The following DNAAF3 variants were observed in gnomAD, a reference collection of about 807,000 sequenced individuals.
DNAAF3 encodes the protein dynein axonemal assembly factor 3.
A neutral mutation model predicts 50.9 loss-of-function variants in DNAAF3; 40 were observed. That is an observed-to-expected ratio of 0.79 (90% CI 0.61 to 1.02). DNAAF3 has a LOEUF of 1.02. Ranked by LOEUF, DNAAF3 falls within the 50% of genes least tolerant of loss-of-function variation. The probability of loss-of-function intolerance (pLI) is 0.00; values close to 1 mark genes in which losing one functional copy is unlikely to be tolerated. For synonymous variants in DNAAF3, 327 were observed against 322.8 expected (o/e 1.01, Z -0.14); for missense variants, 763 against 744.7 (o/e 1.02, Z -0.29).
rs750912221 is a variant in DNAAF3, at chr19:55,160,737, C to G, written c.951G>C (p.Leu317=). The stretch of plus-strand genomic sequence containing the variant: ...GCCCCCAGGCGGCCACGTCGCGGAG[C>G]AGCTCCGTCACGTTGTGTTGAGTGA... ...GEITQHNVTE[L]LRDVAAWGRA... The change falls in exon 9 of 12, where the codon CTG becomes CTC. Residue 317 remains leucine (L), a synonymous_variant. Transcript: ENST00000524407. This position sits in a 1 kb window ranked among gnomAD's most constrained non-coding sequence, Gnocchi z 4.7. The G allele has an allele frequency of 1.9e-6, 3 of 1,612,572 alleles. No homozygotes were observed. The highest frequency in any genetic ancestry group is 2.5e-6 in the Non-Finnish European group (3 of 1,179,840).
chr19:55,166,292 G>A lies in DNAAF3; in HGVS notation c.85+37C>T. On this transcript the variant is annotated intron_variant, in intron 2 of 11. Coordinates refer to ENST00000524407, the MANE Select transcript of DNAAF3 (RefSeq NM_001256715.2). This position sits in a 1 kb window ranked among gnomAD's most constrained non-coding sequence, Gnocchi z 4.0. ...AAGGCCGTCTGCTCAGGCTGGGAAGGCAGACGGTGTATCAGACCTTGCGTG... is the reference window on the plus strand; with the variant it reads ...AAGGCCGTCTGCTCAGGCTGGGAAGACAGACGGTGTATCAGACCTTGCGTG... The A allele has an allele frequency of 6.2e-7, 1 of 1,606,276 alleles. No individual in the cohort carries two copies. Among genetic ancestry groups the A allele is most frequent in the Non-Finnish European group, 8.5e-7 (1 of 1,175,568 alleles).
At chr19:55,163,722 C>T (rs1599926848) in intron 4 of DNAAF3, among the ~76,000 whole-genome samples, 1 of 152,280 alleles carries the variant, frequency 6.6e-6, no homozygotes, top group Middle Eastern at 3.4e-3. Flanking sequence ...TACACATAGA[C>T]ATACAAATAG....
chr19:55,165,858 G>C lies in DNAAF3; in HGVS notation c.228C>G (p.Asn76Lys). 6.2e-7 allele frequency: 1 copy of C among 1,613,844 alleles called. No homozygotes were observed. The highest frequency in any genetic ancestry group is 8.5e-7 in the Non-Finnish European group (1 of 1,179,938). The part of the protein sequence containing the change: ...RAKFWPRRRF[N>K]FFVLENNLEA... ...GGCTCTCATCTTCATCCCAGCTCAC[G>C]TTGAACCTCCTGCGAGGCCAGAACT... Residue 76 changes from asparagine to lysine, a missense_variant and splice_region_variant, in exon 3 of 12, where the codon AAC becomes AAG. By Grantham distance (94) the Asn-to-Lys change is moderately conservative (BLOSUM62 0). Coordinates refer to ENST00000524407, the MANE Select transcript of DNAAF3 (RefSeq NM_001256715.2).
At chr19:55,159,637 T>A (rs370632397) in intron 10 of DNAAF3, 30 bp from the exon 11 acceptor site, 69 of 1,612,088 alleles carry the variant, frequency 4.3e-5, no homozygotes, top group Non-Finnish European at 5.5e-5. Flanking sequence ...CAGGCTGAGA[T>A]TCAGCTCCAA....
At chr19:55,159,855 G>T in intron 10 of DNAAF3, 44 bp downstream of exon 10, 3 of 1,599,478 alleles carry the variant, frequency 1.9e-6, no homozygotes, top group Non-Finnish European at 2.6e-6. Flanking sequence ...GGGGCTGGGG[G>T]CCTGATCCTG....
In DNAAF3 at chr19:55,161,716, T is replaced by TA. The variant is rs1568865114; in HGVS notation, c.589dup (p.Tyr197LeufsTer23). Reference sequence around the variant, plus strand: ...CCGGGCGTCGTAGCGGGAGCCCAGGTAGTGGCGCAGGCGCGAGTCCCAGAG... The same window carrying TA: ...CCGGGCGTCGTAGCGGGAGCCCAGGTAAGTGGCGCAGGCGCGAGTCCCAGAG... On this transcript the variant is annotated frameshift_variant, in exon 6 of 12. Coordinates refer to ENST00000524407, the MANE Select transcript of DNAAF3 (RefSeq NM_001256715.2). LOFTEE classifies it high-confidence loss of function. This position sits in a 1 kb window ranked among gnomAD's most constrained non-coding sequence, Gnocchi z 6.4. The TA allele has an allele frequency of 6.5e-7, 1 of 1,541,150 alleles. No homozygotes were observed. Among genetic ancestry groups the TA allele is most frequent in the Non-Finnish European group, 8.7e-7 (1 of 1,146,390 alleles).
chr19:55,161,910 C>A lies in DNAAF3; in HGVS notation c.481-85G>T, dbSNP rs2085843672. 2.2e-6 allele frequency: 3 copies of A among 1,341,524 alleles called. No individual in the cohort carries two copies. The highest frequency in any genetic ancestry group is 1.9e-6 in the Non-Finnish European group (2 of 1,046,826). 83.1% of individuals were successfully genotyped at this position (1,341,524 alleles called of 1,614,324 possible). A position where few individuals can be genotyped will look rare whatever the true frequency, so the allele number is the denominator to read the frequency against. ...ATTCTAATTGACCCTCTCTTCCATCCCAGAACAGGGGAACGATTCCCCCGT... is the reference window on the plus strand; with the variant it reads ...ATTCTAATTGACCCTCTCTTCCATCACAGAACAGGGGAACGATTCCCCCGT... On this transcript the variant is annotated intron_variant, in intron 5 of 11. Transcript: ENST00000524407. This position sits in a 1 kb window ranked among gnomAD's most constrained non-coding sequence, Gnocchi z 6.4.
At chr19:55,166,703 T>C, upstream of DNAAF3, 4 of 1,567,274 alleles carry the variant, frequency 2.6e-6, no homozygotes, top group South Asian at 3.4e-5. This position sits in a 1 kb window ranked among gnomAD's most constrained non-coding sequence, Gnocchi z 4.0. Context: ...AGGCCCGCCC[T>C]CTACAAACTT....
intron 5 of DNAAF3, 58 bp downstream of exon 5, chr19:55,162,075 G>A (rs1004727762): frequency 2.7e-5 from 34 of 1,244,846 alleles, no homozygotes; most frequent in Non-Finnish European, 2.4e-5. Context: ...CCTTTGGACT[G>A]TGCGCTTCCA....
chr19:55,165,991 A>C lies in DNAAF3; in HGVS notation c.95T>G (p.Val32Gly). The C allele has an allele frequency of 6.2e-7, 1 of 1,614,228 alleles. No homozygotes were observed. The highest frequency in any genetic ancestry group is 8.5e-7 in the Non-Finnish European group (1 of 1,180,046). ...ALDLQAESPPVDPDSQADTVH... is the reference protein window; with the variant it reads ...ALDLQAESPPGDPDSQADTVH... Reference sequence around the variant, plus strand: ...TGTATCGGCCTGGGAGTCTGGGTCCACAGGAGGACCTGGCAAGATGACAGC... The same window carrying C: ...TGTATCGGCCTGGGAGTCTGGGTCCCCAGGAGGACCTGGCAAGATGACAGC... Residue 32 changes from valine (V) to glycine (G), a missense_variant, in exon 3 of 12, where the codon GTG becomes GGG. Transcript: ENST00000524407.
chr19:55,159,018 A>C lies in DNAAF3; in HGVS notation c.*44T>G, dbSNP rs1220214967. 1.3e-6 allele frequency: 2 copies of C among 1,529,368 alleles called. No individual in the cohort carries two copies. Among genetic ancestry groups the C allele is most frequent in the South Asian group, 2.6e-5 (2 of 77,334 alleles). 94.7% of individuals were successfully genotyped at this position (1,529,368 alleles called of 1,614,324 possible). ...GGTATCAGCGGGTTCTCATCCTACA[A>C]CCTGACTTTGGAAGTTGGAGATAAG... On this transcript the variant is annotated 3_prime_UTR_variant, in exon 12 of 12. Transcript: ENST00000524407.
rs2085814237 is a variant in DNAAF3, at chr19:55,160,892, G to C, written c.913-117C>G. ...CCCGCAGCTGCTTGGAGGATGTGAA[G>C]TGGGGCGGGACCTATCCCGCGGGGA... is the stretch of plus-strand genomic sequence containing the variant. On this transcript the variant is annotated intron_variant, in intron 8 of 11. Transcript: ENST00000524407. This position sits in a 1 kb window ranked among gnomAD's most constrained non-coding sequence, Gnocchi z 4.7. The C allele has an allele frequency of 1.2e-5, 17 of 1,472,118 alleles. No individual in the cohort carries two copies. The highest frequency in any genetic ancestry group is 1.4e-5 in the Non-Finnish European group (16 of 1,115,584). 91.2% of individuals were successfully genotyped at this position (1,472,118 alleles called of 1,614,324 possible). A position where few individuals can be genotyped will look rare whatever the true frequency, so the allele number is the denominator to read the frequency against.
rs190575121 is a variant in DNAAF3, at chr19:55,162,414, C to T, written c.323-124G>A. The stretch of plus-strand genomic sequence containing the variant: ...AATGAACCCCCGCAAACTCCCCACG[C>T]ATCCCAAAAACTACATGAAGAACAG... On this transcript the variant is annotated intron_variant, in intron 4 of 11. Coordinates refer to ENST00000524407, the MANE Select transcript of DNAAF3 (RefSeq NM_001256715.2). 1,307 of 1,109,530 alleles carry T rather than the reference C, an allele frequency of 1.2e-3. 3 individuals are homozygous for T. Among genetic ancestry groups the T allele is most frequent in the Non-Finnish European group, 1.4e-3 (1,213 of 876,924 alleles). The allele number at this position is 1,109,530 out of a possible 1,614,324, so 68.7% of individuals were successfully genotyped here.
In DNAAF3 at chr19:55,158,832, G is replaced by A; in HGVS notation, c.*230C>T. The A allele has an allele frequency of 2.0e-6, 1 of 490,006 alleles. No homozygotes were observed. The allele number at this position is 490,006 out of a possible 1,614,324, so 30.4% of individuals were successfully genotyped here. A position where few individuals can be genotyped will look rare whatever the true frequency, so the allele number is the denominator to read the frequency against. ...GGCTGGGCTTAGAGCCTCAGAAGTG[G>A]AATTTGGAATTCTGAGAGAACAATC... is the stretch of plus-strand genomic sequence containing the variant. On this transcript the variant is annotated 3_prime_UTR_variant, in exon 12 of 12. Transcript: ENST00000524407.
upstream of DNAAF3, chr19:55,166,652 G>A: frequency 1.9e-6 from 3 of 1,612,424 alleles, no homozygotes; most frequent in Non-Finnish European, 2.5e-6. The surrounding 1 kb of genome is among the most constrained non-coding windows in gnomAD (Gnocchi z 4.0). Context: ...GAAGCATGTG[G>A]GATGGGACCA....
chr19:55,166,144 T>A lies in DNAAF3; in HGVS notation c.86-144A>T. On this transcript the variant is annotated intron_variant, in intron 2 of 11. Transcript: ENST00000524407. The surrounding 1 kb of genome is among the most constrained non-coding windows in gnomAD (Gnocchi z 4.0). ...AAGGGGAGGTGTTTCCTCTGAGTAT[T>A]CTGGGATTCGCAGTCCGCAGACAGG... 2 of 1,557,082 alleles carry A rather than the reference T, an allele frequency of 1.3e-6. No individual in the cohort carries two copies. Among genetic ancestry groups the A allele is most frequent in the South Asian group, 2.3e-5 (2 of 85,218 alleles).
intron 4 of DNAAF3, among the ~76,000 whole-genome samples, chr19:55,164,691 ATTG>A (rs1032086553): frequency 6.6e-6 from 1 of 151,692 alleles, no homozygotes; most frequent in African/African-American, 2.4e-5. Context: ...CACCCGGCTA[ATTG>A]TTGTATGTTT....
chr19:55,160,649 C>T lies in DNAAF3; in HGVS notation c.1039G>A (p.Gly347Arg), dbSNP rs1042636032. The change falls in exon 9 of 12, where the codon GGG (glycine) becomes AGG (arginine). Residue 347 changes from glycine (G) to arginine (R), a missense_variant. By Grantham distance (125) the Gly-to-Arg change is moderately radical. Transcript: ENST00000524407. This position sits in a 1 kb window ranked among gnomAD's most constrained non-coding sequence, Gnocchi z 4.7. ...GTTGTCCCTGGCTTACCTGGAGTCC[C>T]TGGCTCCGGGCTTCCCTCCGCGTGC... is the stretch of plus-strand genomic sequence containing the variant. Reference protein sequence around the residue: ...QQHAEGSPEPGTPAAPTPESF... With the variant: ...QQHAEGSPEPRTPAAPTPESF... 4.3e-6 allele frequency: 7 copies of T among 1,613,846 alleles called. No individual in the cohort carries two copies. The highest frequency in any genetic ancestry group is 5.9e-6 in the Non-Finnish European group (7 of 1,179,968).
Position 55,160,788 on chromosome 19 carries a change from G to A in DNAAF3, c.913-13C>T, listed in dbSNP as rs146442289. On this transcript the variant is annotated splice_polypyrimidine_tract_variant and intron_variant, in intron 8 of 11. Transcript: ENST00000524407. This position sits in a 1 kb window ranked among gnomAD's most constrained non-coding sequence, Gnocchi z 4.7. ...TCTCCCCGGCCGTCTAACAGTAGAA[G>A]GGGCGTGGCCAGACGTCGGGGCCAG... The A allele has an allele frequency of 3.9e-3, 6,248 of 1,606,570 alleles. 16 individuals are homozygous for A. Among genetic ancestry groups the A allele is most frequent in the Middle Eastern group, 8.4e-3 (50 of 5,950 alleles).
Sources: gnomAD v4.1 joint callset for allele counts (sites outside exome capture counted in the v4.1 genomes callset) on GRCh38, gnomAD v4.1.1 for gene constraint, Gnocchi (gnomAD v3.1) non-coding constraint, MANE v1.5 for transcripts, NCBI Gene and HGNC (gene_info 2026-07-23, HGNC 2026-07-21) for gene names.